Variants in FNIP1 observed in about 807,000 individuals in gnomAD.
FNIP1 encodes the protein folliculin-interacting protein 1.
In FNIP1, 40 loss-of-function variants were observed where a neutral mutation model predicts 124.5. That is an observed-to-expected ratio of 0.32 (90% confidence interval 0.25 to 0.42). The LOEUF (loss-of-function observed/expected upper bound fraction) is 0.42. Among genes scored for constraint, FNIP1 ranks in the 10% least tolerant of loss-of-function variants. The pLI is 1.00. For synonymous variants in FNIP1, 472 were observed against 470.6 expected, an observed-to-expected ratio of 1.00 and a Z score of -0.04; for missense variants, 1,176 against 1,403.7, an observed-to-expected ratio of 0.84 and a Z score of 2.59.
chr5:131,740,764 G>T (rs753843199), intron 2 of FNIP1, among the ~76,000 whole-genome samples: 1 of 152,138 alleles, frequency 6.6e-6, no homozygotes, highest in Admixed American at 6.5e-5. Context: ...GATGGTTAAA[G>T]CATTCTAAGT....
At chr5:131,658,552 G>T (rs918871964) in intron 15 of FNIP1, among the ~76,000 whole-genome samples, 1 of 151,646 alleles carries the variant, frequency 6.6e-6, no homozygotes, top group Non-Finnish European at 1.5e-5. Flanking sequence ...CTCAAGTTGG[G>T]GGACAAAAGG....
intron 7 of FNIP1, among the ~76,000 whole-genome samples, chr5:131,710,066 G>C (rs1207430205): frequency 1.3e-5 from 2 of 152,170 alleles, no homozygotes; most frequent in Non-Finnish European, 2.9e-5. Context: ...AGCAAATATA[G>C]TCATATATGC....
intron 11 of FNIP1, among the ~76,000 whole-genome samples, chr5:131,698,636 G>T (rs755304352): frequency 6.6e-6 from 1 of 152,128 alleles, no homozygotes; most frequent in Non-Finnish European, 1.5e-5. Context: ...GATCCCAAGA[G>T]AGAACAAAGC....
At position 131,651,865 on chromosome 5, in the gene FNIP1, A is replaced by G; in HGVS notation, c.3243T>C (p.Ser1081=). 6.2e-7 allele frequency: 1 copy of G among 1,614,170 alleles called. No homozygotes were observed. The highest frequency in any genetic ancestry group is 8.5e-7 in the Non-Finnish European group (1 of 1,180,036). ...NKLGKEVLVS[S]LVSNLLHSTL... ...TGGAATGAAGCAGATTGGAAACAAG[A>G]CTGGAAACCAATACTTCCTTTCCCA... Residue 1081 remains serine (S), a synonymous_variant, in exon 16 of 18, where the codon AGT becomes AGC. Coordinates refer to ENST00000510461, the MANE Select transcript of FNIP1 (RefSeq NM_133372.3).
chr5:131,693,586 G>A (rs990935473), intron 11 of FNIP1, among the ~76,000 whole-genome samples: 2 of 151,592 alleles, frequency 1.3e-5, no homozygotes, highest in African/African-American at 4.8e-5. Flanking sequence ...AATTCATAAT[G>A]GATCATAGTC....
chr5:131,714,672 G>C (rs1232795050), intron 6 of FNIP1, among the ~76,000 whole-genome samples: 1 of 152,026 alleles, frequency 6.6e-6, no homozygotes, highest in Non-Finnish European at 1.5e-5. Context: ...CTTCTTCATA[G>C]AACATTTCTT....
At chr5:131,762,373 T>C (rs1338221705) in intron 1 of FNIP1, among the ~76,000 whole-genome samples, 1 of 152,094 alleles carries the variant, frequency 6.6e-6, no homozygotes, top group African/African-American at 2.4e-5. Context: ...ACAACCAGAA[T>C]GTATAAGGAG....
At chr5:131,686,834 C>A (rs922461384) in intron 11 of FNIP1, among the ~76,000 whole-genome samples, 1 of 151,652 alleles carries the variant, frequency 6.6e-6, no homozygotes, top group Non-Finnish European at 1.5e-5. Flanking sequence ...CAAAGTGCTG[C>A]GATTACAGGC....
intron 13 of FNIP1, among the ~76,000 whole-genome samples, chr5:131,674,870 TA>T (rs1767867938): frequency 6.6e-6 from 1 of 152,188 alleles, no homozygotes; most frequent in South Asian, 2.1e-4. Flanking sequence ...AGGTCTCAAA[TA>T]AATATAAGCT....
At chr5:131,759,678 T>C (rs1403814317) in intron 1 of FNIP1, among the ~76,000 whole-genome samples, 1 of 152,200 alleles carries the variant, frequency 6.6e-6, no homozygotes, top group Non-Finnish European at 1.5e-5. Context: ...TGGAAAGCAG[T>C]TTGGAGATTT....
At chr5:131,716,133 C>T (rs2149540282) in intron 6 of FNIP1, among the ~76,000 whole-genome samples, 1 of 152,270 alleles carries the variant, frequency 6.6e-6, no homozygotes, top group South Asian at 2.1e-4. Context: ...TGAACATCTG[C>T]TCATCTGAGT....
rs199870696 is a variant in FNIP1 at position 131,748,569 on chromosome 5, C to T, written c.93-3879G>A. 8.6e-5 allele frequency among the ~76,000 whole-genome samples: 13 copies of T among 151,782 alleles called. No individual in the cohort carries two copies. The East Asian group carries it at 2.5e-3, about 29-fold the overall frequency. On this transcript the variant is annotated intron_variant, in intron 1 of 17. Transcript: ENST00000510461. ...AAAATTAGCCAGGCGTGGTGGCATG[C>T]ACCTGTAGTCCCAGCTACTCAGGAG...
At chr5:131,750,616 CTTTT>C (rs537818966) in intron 1 of FNIP1, among the ~76,000 whole-genome samples, 1 of 137,988 alleles carries the variant, frequency 7.2e-6, no homozygotes, top group Non-Finnish European at 1.6e-5. Context: ...TCCCTTCTTT[CTTTT>C]TTTTTTTTTT....
intron 11 of FNIP1, 80 bp from the exon 12 acceptor site, chr5:131,679,255 C>T (rs576006798): frequency 1.2e-6 from 1 of 830,616 alleles, no homozygotes; most frequent in African/African-American, 1.8e-5. Flanking sequence ...TTTATATTGC[C>T]AGCTTGGTCC....
chr5:131,758,196 G>T (rs1391756552), intron 1 of FNIP1, among the ~76,000 whole-genome samples: 1 of 152,148 alleles, frequency 6.6e-6, no homozygotes, highest in Non-Finnish European at 1.5e-5. Flanking sequence ...AGTTTAAATG[G>T]TAATAGTCAT....
chr5:131,742,045 T>A (rs1770528924), intron 2 of FNIP1, among the ~76,000 whole-genome samples: 1 of 152,154 alleles, frequency 6.6e-6, no homozygotes, highest in Non-Finnish European at 1.5e-5. Flanking sequence ...TTTAATTTCT[T>A]TTTTGATAAA....
At chr5:131,782,057 G>C (rs965968038) in intron 1 of FNIP1, among the ~76,000 whole-genome samples, 27 of 152,122 alleles carry the variant, frequency 1.8e-4, no homozygotes, top group Non-Finnish European at 3.4e-4. Flanking sequence ...GGAAAGCTGA[G>C]GTGGGAGGAT....
chr5:131,705,423 G>A (rs757985368), intron 9 of FNIP1, among the ~76,000 whole-genome samples: 6 of 152,148 alleles, frequency 3.9e-5, no homozygotes, highest in South Asian at 2.1e-4. Flanking sequence ...GCAGTGAGCC[G>A]GGATTATGCC....
rs186671351 is a variant in FNIP1, at chr5:131,789,070, G to A, written c.92+7760C>T. ...GAAAATGTCGTATATATACACAATG[G>A]AATATTATTCAGCCATTAAAAAGAA... On this transcript the variant is annotated intron_variant, in intron 1 of 17. Coordinates refer to ENST00000510461, the MANE Select transcript of FNIP1 (RefSeq NM_133372.3). Among the ~76,000 whole-genome samples the A allele has an allele frequency of 7.8e-4, 119 of 152,254 alleles. No individual in the cohort carries two copies. In the East Asian group the frequency reaches 0.017, roughly 22 times the overall value.
Sources: gnomAD v4.1 joint callset for allele counts (sites outside exome capture counted in the v4.1 genomes callset) on GRCh38, gnomAD v4.1.1 for gene constraint, MANE v1.5 for transcripts, NCBI Gene and HGNC (gene_info 2026-07-23, HGNC 2026-07-21) for gene names.